TUB: variants seen among roughly 807,000 people sequenced by gnomAD.
The protein encoded by TUB is tubby protein homolog.
A neutral mutation model predicts 59.7 loss-of-function variants in TUB; 33 were observed. That is an observed-to-expected ratio of 0.55 (90% confidence interval 0.42 to 0.74). The LOEUF is 0.74. Ranked by LOEUF, TUB falls within the 30% of genes least tolerant of loss-of-function variation. The probability of loss-of-function intolerance (pLI) is 0.00; values close to 1 mark genes in which losing one functional copy is unlikely to be tolerated. For missense variants in TUB, 659 were observed against 672.0 expected, an observed-to-expected ratio of 0.98 and a Z score of 0.21; for synonymous variants, 293 against 256.4, an observed-to-expected ratio of 1.14 and a Z score of -1.36.
chr11:8,028,055 C>A (rs12792321), intron 1 of TUB, among the ~76,000 whole-genome samples: 67,899 of 151,992 alleles, frequency 0.45, 16,922 homozygotes, highest in Middle Eastern at 0.6. Context: ...TACATTTCCA[C>A]CAGCAATGTA....
At chr11:8,066,219 A>T (rs1422747506) in intron 2 of TUB, among the ~76,000 whole-genome samples, 1 of 152,164 alleles carries the variant, frequency 6.6e-6, no homozygotes, top group Non-Finnish European at 1.5e-5. Context: ...CAGAACCAAC[A>T]GGTCTGCTCA....
intron 1 of TUB, 81 bp from the exon 2 acceptor site, chr11:8,089,529 A>T: frequency 8.3e-6 from 13 of 1,568,192 alleles, no homozygotes; most frequent in Non-Finnish European, 1.1e-5. Flanking sequence ...TAACGGGCCC[A>T]GATATGCTGG....
chr11:8,019,336 T>C, exon 1 of TUB: 1 of 1,281,904 alleles, frequency 7.8e-7, no homozygotes. Flanking sequence ...GACCCTGTCT[T>C]ACAGCCGCTG....
Position 8,105,532 on chromosome 11 carries a change from G to A in TUB, c.*3913G>A, listed in dbSNP as rs1944527407. ...TCCAACCAAGTGGAAAGGCAAGTTGGTCTTATAGAAAGCACTACTGCACTT... is the reference window on the plus strand; with the variant it reads ...TCCAACCAAGTGGAAAGGCAAGTTGATCTTATAGAAAGCACTACTGCACTT... On this transcript the variant is annotated 3_prime_UTR_variant, in exon 12 of 12. Transcript: ENST00000299506. 1 of 152,162 alleles carries A rather than the reference G, an allele frequency of 6.6e-6. No individual in the cohort carries two copies. The highest frequency in any genetic ancestry group is 1.5e-5 in the Non-Finnish European group (1 of 68,044). The allele number at this position is 152,162 out of a possible 1,614,324, so 9.4% of individuals were successfully genotyped here.
chr11:8,058,486 T>G (rs1186537575), intron 2 of TUB, among the ~76,000 whole-genome samples: 2 of 152,178 alleles, frequency 1.3e-5, no homozygotes, highest in African/African-American at 4.8e-5. Context: ...AAGACCTGGT[T>G]TATTGTTTTG....
chr11:8,056,270 G>A (rs1448837869), intron 2 of TUB, among the ~76,000 whole-genome samples: 4 of 152,138 alleles, frequency 2.6e-5, no homozygotes, highest in African/African-American at 4.8e-5. Flanking sequence ...TTAATCCAGG[G>A]CATGGGCTCA....
At chr11:8,038,936 G>C (rs147860705) in exon 1 of TUB, 7 of 1,613,916 alleles carry the variant, frequency 4.3e-6, no homozygotes, top group African/African-American at 1.3e-5. Context: ...CAGGGATTTT[G>C]TTCCCAGGAG....
intron 1 of TUB, among the ~76,000 whole-genome samples, chr11:8,082,226 A>G (rs1476741109): frequency 6.6e-6 from 1 of 152,202 alleles, no homozygotes; most frequent in African/African-American, 2.4e-5. Flanking sequence ...GACACACACC[A>G]GCTCACAGTA....
chr11:8,060,882 T>A (rs1262003258), intron 2 of TUB, among the ~76,000 whole-genome samples: 1 of 152,216 alleles, frequency 6.6e-6, no homozygotes, highest in Non-Finnish European at 1.5e-5. Flanking sequence ...TTACAGACAC[T>A]GTGTGAACTC....
In TUB at chr11:8,103,256, TA is replaced by T. The variant is rs1944383702; in HGVS notation, c.*1639del. ...ATCCACCCTGCAGGCTTGGGAACTG[TA>T]AGCTCAAGCTTTTGCTCATTTGTCA... On this transcript the variant is annotated 3_prime_UTR_variant, in exon 12 of 12. Transcript: ENST00000299506. 1.3e-5 allele frequency: 2 copies of T among 152,212 alleles called. No homozygotes were observed. Among genetic ancestry groups the T allele is most frequent in the African/African-American group, 4.8e-5 (2 of 41,448 alleles). 9.4% of individuals were successfully genotyped at this position (152,212 alleles called of 1,614,324 possible). A position where few individuals can be genotyped will look rare whatever the true frequency, so the allele number is the denominator to read the frequency against.
chr11:8,067,853 G>C (rs1272430100), intron 2 of TUB: 1 of 152,250 alleles, frequency 6.6e-6, no homozygotes, highest in African/African-American at 2.4e-5. Flanking sequence ...CCAGTCACTT[G>C]CAATGGGGTG....
intron 2 of TUB, among the ~76,000 whole-genome samples, chr11:8,071,079 T>C (rs190179082): frequency 6.6e-6 from 1 of 152,300 alleles, no homozygotes; most frequent in Admixed American, 6.5e-5. Flanking sequence ...AGGTGGTTCA[T>C]GGCAGAGCAC....
intron 2 of TUB, among the ~76,000 whole-genome samples, chr11:8,061,523 A>G (rs979969922): frequency 2.6e-5 from 4 of 152,110 alleles, no homozygotes; most frequent in Non-Finnish European, 5.9e-5. Context: ...AGCAGGGCCT[A>G]GGAGTTGGGG....
intron 2 of TUB, among the ~76,000 whole-genome samples, chr11:8,052,115 C>G (rs182846371): frequency 1.3e-5 from 2 of 152,338 alleles, no homozygotes; most frequent in Admixed American, 1.3e-4. Context: ...TGATAACTGG[C>G]ATGGCAAATG....
intron 2 of TUB, among the ~76,000 whole-genome samples, chr11:8,060,445 G>A (rs1165118914): frequency 6.6e-6 from 1 of 152,220 alleles, no homozygotes; most frequent in East Asian, 1.9e-4. Flanking sequence ...TGGGGCCTCA[G>A]TTCTAGCTCC....
upstream of TUB, among the ~76,000 whole-genome samples, chr11:8,078,804 G>A (rs976738030): frequency 2.0e-5 from 3 of 151,948 alleles, no homozygotes; most frequent in Non-Finnish European, 4.4e-5. Context: ...CTGGCACACA[G>A]TCCCTTGTGT....
chr11:8,099,560 T>C (rs7481803), intron 9 of TUB, among the ~76,000 whole-genome samples: 151,371 of 152,306 alleles, frequency 0.99, 75,232 homozygotes, highest in Middle Eastern at 1. Flanking sequence ...ACTAAGCATA[T>C]TGTTTGAGGC....
intron 4 of TUB, among the ~76,000 whole-genome samples, chr11:8,095,185 C>T (rs1943932465): frequency 6.6e-6 from 1 of 152,194 alleles, no homozygotes; most frequent in Non-Finnish European, 1.5e-5. Context: ...AGTCCTTGTT[C>T]TCCATCTTGT....
intron 1 of TUB, among the ~76,000 whole-genome samples, chr11:8,088,458 G>A (rs1170615436): frequency 1.3e-5 from 2 of 152,134 alleles, no homozygotes; most frequent in Non-Finnish European, 2.9e-5. Context: ...ACCTTCACAC[G>A]AGCACACCCA....
Sources: gnomAD v4.1 joint callset for allele counts (sites outside exome capture counted in the v4.1 genomes callset) on GRCh38, gnomAD v4.1.1 for gene constraint, MANE v1.5 for transcripts, NCBI Gene and HGNC (gene_info 2026-07-23, HGNC 2026-07-21) for gene names.